The following CACNA2D4 variants were observed in gnomAD, a reference collection of about 807,000 sequenced individuals.
The protein encoded by CACNA2D4 is voltage-dependent calcium channel subunit alpha-2/delta-4.
A neutral mutation model predicts 163.8 loss-of-function variants in CACNA2D4; 157 were observed. The observed-to-expected ratio is 0.96, with a 90% CI of 0.84 to 1.09. The LOEUF (loss-of-function observed/expected upper bound fraction) is 1.09, where lower values mean the gene tolerates loss of function less well. Among genes scored for constraint, CACNA2D4 ranks in the 50% least tolerant of loss-of-function variants. The pLI is 0.00. For missense variants in CACNA2D4, 1,410 were observed against 1,479.9 expected (o/e 0.95, Z 0.78); for synonymous variants, 598 against 586.9 (o/e 1.02, Z -0.27).
At chr12:1,863,480 G>C (rs1014857524) in intron 18 of CACNA2D4, among the ~76,000 whole-genome samples, 2 of 152,104 alleles carry the variant, frequency 1.3e-5, no homozygotes. Context: ...AATTTTGATC[G>C]GATTGCGTTG....
chr12:1,803,784 T>C (rs1454821114), intron 29 of CACNA2D4, among the ~76,000 whole-genome samples: 1 of 152,156 alleles, frequency 6.6e-6, no homozygotes, highest in African/African-American at 2.4e-5. Context: ...CAAAGATGAA[T>C]GAAATGGACA....
Position 1,883,490 on chromosome 12 carries a change from G to T in CACNA2D4, c.1352-490C>A, listed in dbSNP as rs148724744. Reference sequence around the variant, plus strand: ...GGTGGGTGTTACAGCCTATTCCCTGGAACCATGGTGACACTCCAAAGCGCA... The same window carrying T: ...GGTGGGTGTTACAGCCTATTCCCTGTAACCATGGTGACACTCCAAAGCGCA... On this transcript the variant is annotated intron_variant, in intron 12 of 37. Transcript: ENST00000382722. The surrounding 1 kb of genome is among the most constrained non-coding windows in gnomAD (Gnocchi z 4.5). 6.6e-6 allele frequency among the ~76,000 whole-genome samples: 1 copy of T among 152,246 alleles called. No individual in the cohort carries two copies. Among genetic ancestry groups the T allele is most frequent in the Non-Finnish European group, 1.5e-5 (1 of 68,008 alleles).
At chr12:1,849,221 A>G (rs1285655737) in intron 23 of CACNA2D4, among the ~76,000 whole-genome samples, 3 of 152,226 alleles carry the variant, frequency 2.0e-5, no homozygotes, top group Non-Finnish European at 4.4e-5. Flanking sequence ...AATTTCTTTA[A>G]GAGAAATACA....
At chr12:1,837,544 G>T (rs1014580167) in intron 26 of CACNA2D4, among the ~76,000 whole-genome samples, 4 of 152,102 alleles carry the variant, frequency 2.6e-5, no homozygotes, top group Non-Finnish European at 4.4e-5. Flanking sequence ...CCCCTCCTCA[G>T]CTATATGGTT....
At position 1,885,978 on chromosome 12, in the gene CACNA2D4, C is replaced by G. The variant is rs758719842; in HGVS notation, c.1055G>C (p.Arg352Pro). ...CFKGILVQADRDNREHFKLLV... is the reference protein window; with the variant it reads ...CFKGILVQADPDNREHFKLLV... ...GTGGACACTCACCTCTCGATTGTCT[C>G]GGTCCGCCTGGACGAGGATCCCTTT... Residue 352 changes from arginine to proline, a missense_variant, in exon 9 of 38, where the codon CGA (arginine) becomes CCA (proline). Transcript: ENST00000382722. 1 of 1,612,770 alleles carries G rather than the reference C, an allele frequency of 6.2e-7. No individual in the cohort carries two copies. Among genetic ancestry groups the G allele is most frequent in the Non-Finnish European group, 8.5e-7 (1 of 1,179,080 alleles).
chr12:1,799,667 C>G lies in CACNA2D4; in HGVS notation c.2995+8G>C, dbSNP rs746331294. On this transcript the variant is annotated splice_region_variant and intron_variant, in intron 34 of 37. Transcript: ENST00000382722. The surrounding 1 kb of genome is among the most constrained non-coding windows in gnomAD (Gnocchi z 4.7). ...GCCAGCAGGGATGGCCTCAGCTGGGCTACTTACAGTGATGGAAGACACTTT... is the reference window on the plus strand; with the variant it reads ...GCCAGCAGGGATGGCCTCAGCTGGGGTACTTACAGTGATGGAAGACACTTT... 4 of 1,567,882 alleles carry G rather than the reference C, an allele frequency of 2.6e-6. No homozygotes were observed. The South Asian group carries it at 3.5e-5, about 14-fold the overall frequency.
intron 26 of CACNA2D4, among the ~76,000 whole-genome samples, chr12:1,832,786 T>C (rs2154447229): frequency 6.6e-6 from 1 of 152,370 alleles, no homozygotes; most frequent in Middle Eastern, 3.4e-3. Context: ...TTACAGCAGC[T>C]AATTGAGATA....
chr12:1,800,628 G>A, intron 31 of CACNA2D4, 190 bp from the exon 32 acceptor site: 1 of 619,890 alleles, frequency 1.6e-6, no homozygotes, highest in Non-Finnish European at 2.9e-6. Context: ...CTGCAGAGCT[G>A]AGCTAGCTGG....
At chr12:1,795,441 A>G in intron 36 of CACNA2D4, 60 bp from the exon 37 acceptor site, 2 of 1,507,572 alleles carry the variant, frequency 1.3e-6, no homozygotes, top group Non-Finnish European at 1.8e-6. Context: ...GCAGACTGGA[A>G]AAAGGTCTGG....
At chr12:1,915,732 C>G (rs1173794698) in intron 1 of CACNA2D4, among the ~76,000 whole-genome samples, 2 of 152,260 alleles carry the variant, frequency 1.3e-5, no homozygotes, top group Non-Finnish European at 2.9e-5. Flanking sequence ...AAATGCACCA[C>G]AATCCCACCA....
Position 1,844,384 on chromosome 12 carries a change from C to A in CACNA2D4, c.2470+18G>T. On this transcript the variant is annotated intron_variant, in intron 25 of 37. Coordinates refer to ENST00000382722, the MANE Select transcript of CACNA2D4 (RefSeq NM_172364.5). This position sits in a 1 kb window ranked among gnomAD's most constrained non-coding sequence, Gnocchi z 4.2. ...CCTGAGACTGGCCCAGCCCCGGGAG[C>A]ACCGGGCTGTGTGTTACCTGGTCCT... 1 of 1,612,412 alleles carries A rather than the reference C, an allele frequency of 6.2e-7. No homozygotes were observed. The highest frequency in any genetic ancestry group is 8.5e-7 in the Non-Finnish European group (1 of 1,179,342).
intron 6 of CACNA2D4, among the ~76,000 whole-genome samples, chr12:1,899,711 C>A (rs1250853452): frequency 6.6e-6 from 1 of 152,126 alleles, no homozygotes; most frequent in African/African-American, 2.4e-5. Flanking sequence ...AGGAAAAGAT[C>A]ATTCTAATCT....
chr12:1,847,327 TGGATAG>T (rs1865168278), intron 23 of CACNA2D4, among the ~76,000 whole-genome samples: 1 of 152,200 alleles, frequency 6.6e-6, no homozygotes. Context: ...TTTGGCACAG[TGGATAG>T]GAGGCTATTA....
rs555226058 is a variant in CACNA2D4 at position 1,811,347 on chromosome 12, G to A, written c.2613+315C>T. Among the ~76,000 whole-genome samples the A allele has an allele frequency of 1.4e-4, 22 of 152,326 alleles. No homozygotes were observed. In the East Asian group the frequency reaches 3.9e-3, roughly 27 times the overall value. On this transcript the variant is annotated intron_variant, in intron 27 of 37. Coordinates refer to ENST00000382722, the MANE Select transcript of CACNA2D4 (RefSeq NM_172364.5). ...TCTGGCATCTCTTGCCAGCCATCAG[G>A]GCCTGGACCCCGGACCTTGGACGGT...
At chr12:1,839,463 CATGTAA>C (rs1186126486) in intron 26 of CACNA2D4, among the ~76,000 whole-genome samples, 2 of 152,262 alleles carry the variant, frequency 1.3e-5, no homozygotes, top group African/African-American at 4.8e-5. Flanking sequence ...TTGCTCTCAT[CATGTAA>C]GCCATGGCAA....
At chr12:1,868,567 C>CATTGT (rs781148289) in intron 18 of CACNA2D4, among the ~76,000 whole-genome samples, 6 of 151,540 alleles carry the variant, frequency 4.0e-5, no homozygotes, top group East Asian at 1.9e-4. Flanking sequence ...GACTAGAGTT[C>CATTGT]ATTGTATTGT....
intron 4 of CACNA2D4, 87 bp downstream of exon 4, chr12:1,909,819 C>T: frequency 8.9e-7 from 1 of 1,117,358 alleles, no homozygotes; most frequent in East Asian, 2.4e-5. Flanking sequence ...GATCGCCACC[C>T]TACGCCGCCA....
chr12:1,846,755 AG>A (rs1204924647), intron 23 of CACNA2D4, 66 bp from the exon 24 acceptor site: 19 of 1,347,648 alleles, frequency 1.4e-5, no homozygotes, highest in Non-Finnish European at 1.8e-5. Flanking sequence ...GGCGACCTGC[AG>A]GGGTTTGGGG....
chr12:1,807,854 C>A (rs1863592169), intron 29 of CACNA2D4, among the ~76,000 whole-genome samples: 2 of 152,138 alleles, frequency 1.3e-5, no homozygotes, highest in South Asian at 4.1e-4. Context: ...GGGGCCCCAG[C>A]AGGAGCCTCT....
Sources: gnomAD v4.1 joint callset for allele counts (sites outside exome capture counted in the v4.1 genomes callset) on GRCh38, gnomAD v4.1.1 for gene constraint, Gnocchi (gnomAD v3.1) non-coding constraint, MANE v1.5 for transcripts, NCBI Gene and HGNC (gene_info 2026-07-23, HGNC 2026-07-21) for gene names.